Variants in RAPSN observed in about 807,000 individuals in gnomAD.
RAPSN encodes the protein 43 kDa receptor-associated protein of the synapse.
Under a neutral mutation model 45.7 loss-of-function variants are expected in RAPSN, and 33 were observed. That is an observed-to-expected ratio of 0.72 (90% confidence interval 0.55 to 0.97). RAPSN has a LOEUF of 0.97. Among genes scored for constraint, RAPSN ranks in the 50% least tolerant of loss-of-function variants. The pLI, the probability that RAPSN is intolerant of heterozygous loss-of-function variation, is 0.00. For missense variants in RAPSN, 519 were observed against 559.4 expected (o/e 0.93, Z 0.73); for synonymous variants, 244 against 233.6 (o/e 1.04, Z -0.40).
intron 6 of RAPSN, among the ~76,000 whole-genome samples, chr11:47,440,142 G>A (rs7103835): frequency 0.22 from 33,701 of 152,070 alleles, 4,717 homozygotes; most frequent in Non-Finnish European, 0.31. Flanking sequence ...GACCTTGGAC[G>A]CCTCTTTGAG....
At chr11:47,440,564 G>T (rs7104366) in intron 6 of RAPSN, among the ~76,000 whole-genome samples, 1 of 151,832 alleles carries the variant, frequency 6.6e-6, no homozygotes, top group African/African-American at 2.4e-5. Context: ...CCTGGCCAAC[G>T]CAGTGAATCC....
rs374604570 is a variant in RAPSN, at chr11:47,441,651, C to T, written c.872G>A (p.Gly291Asp). 3.7e-5 allele frequency: 59 copies of T among 1,609,122 alleles called. No homozygotes were observed. The highest frequency in any genetic ancestry group is 5.0e-5 in the Non-Finnish European group (59 of 1,179,786). ...CCTGGCCACCCAGCACTTGGCCACA[C>T]CCAGCAGCGCCTGCACCTGCCCCAG... The part of the protein sequence containing the change: ...NRLGQVQALL[G>D]VAKCWVARKA... The change falls in exon 5 of 8, where the codon GGT (glycine) becomes GAT (aspartate). Residue 291 changes from glycine (G) to aspartate (D), a missense_variant. Coordinates refer to ENST00000298854, the MANE Select transcript of RAPSN (RefSeq NM_005055.5).
chr11:47,445,451 C>T (rs888181706), intron 2 of RAPSN, among the ~76,000 whole-genome samples: 1 of 151,394 alleles, frequency 6.6e-6, no homozygotes, highest in African/African-American at 2.4e-5. Flanking sequence ...AGAAAATTAG[C>T]TGGGCATAGT....
At position 47,442,727 on chromosome 11, in the gene RAPSN, T is replaced by C. The variant is rs1457733396; in HGVS notation, c.619A>G (p.Met207Val). 5 of 1,614,140 alleles carry C rather than the reference T, an allele frequency of 3.1e-6. No individual in the cohort carries two copies. The African/African-American group carries it at 4.0e-5, about 13-fold the overall frequency. Residue 207 changes from methionine to valine, a missense_variant, in exon 3 of 8, where the codon ATG (methionine) becomes GTG (valine). Met to Val is a conservative substitution (Grantham distance 21). Transcript: ENST00000298854. ...GKGWSLKYRA[M>V]SQYHMAVAYR... ...GCCACGGCCATGTGGTACTGGCTCATGGCCCGGTACTTCAGGCTCCAGCCT... is the reference window on the plus strand; with the variant it reads ...GCCACGGCCATGTGGTACTGGCTCACGGCCCGGTACTTCAGGCTCCAGCCT...
At chr11:47,445,452 T>C (rs1389614952) in intron 2 of RAPSN, among the ~76,000 whole-genome samples, 1 of 143,366 alleles carries the variant, frequency 7.0e-6, no homozygotes. Flanking sequence ...GAAAATTAGC[T>C]GGGCATAGTG....
chr11:47,449,093 G>A lies in RAPSN; in HGVS notation c.-129C>T. Reference sequence around the variant, plus strand: ...GGAACAAAAGCAGCGTCGGGTGGGAGCCGGAATGGGGCCTGGATGGAGAGC... The same window carrying A: ...GGAACAAAAGCAGCGTCGGGTGGGAACCGGAATGGGGCCTGGATGGAGAGC... On this transcript the variant is annotated 5_prime_UTR_variant, in exon 1 of 8. Transcript: ENST00000298854. 1.8e-6 allele frequency: 2 copies of A among 1,128,980 alleles called. No homozygotes were observed. The highest frequency in any genetic ancestry group is 3.1e-5 in the African/African-American group (2 of 65,564). The allele number at this position is 1,128,980 out of a possible 1,614,324, so 69.9% of individuals were successfully genotyped here. A position where few individuals can be genotyped will look rare whatever the true frequency, so the allele number is the denominator to read the frequency against.
In RAPSN at chr11:47,441,897, G is replaced by T; in HGVS notation, c.715C>A (p.His239Asn). The change falls in exon 4 of 8, where the codon CAC becomes AAC. Residue 239 changes from histidine to asparagine, a missense_variant. Transcript: ENST00000298854. ...AGCGCCTGCAGTGGCCGGTCCCCGT[G>T]CTGCAGCGCGATCTTCATAGACTCC... ...CEESMKIALQ[H>N]GDRPLQALCL... The T allele has an allele frequency of 1.3e-6, 2 of 1,587,294 alleles. No homozygotes were observed. Among genetic ancestry groups the T allele is most frequent in the South Asian group, 1.1e-5 (1 of 87,572 alleles).
chr11:47,444,750 T>A (rs1024702484), intron 2 of RAPSN, among the ~76,000 whole-genome samples: 2 of 143,038 alleles, frequency 1.4e-5, no homozygotes, highest in African/African-American at 5.3e-5. Context: ...CCCAGCTACT[T>A]GGGAGGCTGA....
intron 1 of RAPSN, among the ~76,000 whole-genome samples, 195 bp from the exon 2 acceptor site, chr11:47,448,345 C>A (rs2076427103): frequency 6.6e-6 from 1 of 152,064 alleles, no homozygotes; most frequent in African/African-American, 2.4e-5. Flanking sequence ...TACACCCCAG[C>A]CTCACCTCCC....
At chr11:47,439,012 CCT>C in intron 6 of RAPSN, 81 bp from the exon 7 acceptor site, 1 of 1,448,586 alleles carries the variant, frequency 6.9e-7, no homozygotes, top group Non-Finnish European at 9.4e-7. Flanking sequence ...CAGCCACTTC[CCT>C]GTCTTGCTGA....
At chr11:47,439,062 T>C in intron 6 of RAPSN, 131 bp from the exon 7 acceptor site, 1 of 1,023,966 alleles carries the variant, frequency 9.8e-7, no homozygotes, top group Non-Finnish European at 1.4e-6. Flanking sequence ...TCTGGGACCT[T>C]GCTTCCTTTC....
In RAPSN at chr11:47,448,880, A is replaced by G. The variant is rs376422329; in HGVS notation, c.85T>C (p.Trp29Arg). The G allele has an allele frequency of 6.2e-7, 1 of 1,614,070 alleles. No individual in the cohort carries two copies. Among genetic ancestry groups the G allele is most frequent in the Non-Finnish European group, 8.5e-7 (1 of 1,180,032 alleles). ...GAGCTCTTCTCCAGCACCTTTGTCC[A>G]CACCTGCAATGCCTTCTCTGTCTGG... Reference protein sequence around the residue: ...SNQTEKALQVWTKVLEKSSDL... With the variant: ...SNQTEKALQVRTKVLEKSSDL... Residue 29 changes from tryptophan (W) to arginine (R), a missense_variant, in exon 1 of 8, where the codon TGG becomes CGG. Physicochemically the swap from Trp to Arg is moderately radical, Grantham distance 101 (BLOSUM62 -3). Transcript: ENST00000298854.
chr11:47,438,934 G>A lies in RAPSN; in HGVS notation c.967-3C>T. The A allele has an allele frequency of 6.4e-7, 1 of 1,555,164 alleles. No homozygotes were observed. Among genetic ancestry groups the A allele is most frequent in the East Asian group, 2.4e-5 (1 of 41,720 alleles). On this transcript the variant is annotated splice_region_variant and splice_polypyrimidine_tract_variant and intron_variant, in intron 6 of 7. Transcript: ENST00000298854. ...CAGTGCAGCTTGAGCTGGCTCAGCTGGGGCCCGCAGGAGTGGAGAGCGCCA... is the reference window on the plus strand; with the variant it reads ...CAGTGCAGCTTGAGCTGGCTCAGCTAGGGCCCGCAGGAGTGGAGAGCGCCA...
At chr11:47,442,840 G>A in intron 2 of RAPSN, 26 bp from the exon 3 acceptor site, 2 of 1,612,616 alleles carry the variant, frequency 1.2e-6, no homozygotes, top group Non-Finnish European at 1.7e-6. Flanking sequence ...AATGGAAGGA[G>A]GCAAACTGAG....
At chr11:47,448,223 G>A (rs963956888) in intron 1 of RAPSN, 73 bp from the exon 2 acceptor site, 7 of 1,520,560 alleles carry the variant, frequency 4.6e-6, no homozygotes, top group Non-Finnish European at 6.3e-6. Context: ...TGCACTGCAG[G>A]CTCAGACCTG....
chr11:47,446,901 G>A (rs927203513), intron 2 of RAPSN, among the ~76,000 whole-genome samples: 2 of 152,020 alleles, frequency 1.3e-5, no homozygotes, highest in Admixed American at 6.6e-5. Context: ...GCAAAACTCC[G>A]CCCCTGCCCC....
chr11:47,439,163 C>G (rs1488738683), intron 6 of RAPSN, among the ~76,000 whole-genome samples: 1 of 152,176 alleles, frequency 6.6e-6, no homozygotes, highest in African/African-American at 2.4e-5. Context: ...TATGACCAAA[C>G]CTGGTGCACA....
chr11:47,443,577 C>CT (rs1409233848), intron 2 of RAPSN, among the ~76,000 whole-genome samples: 1 of 152,150 alleles, frequency 6.6e-6, no homozygotes, highest in Non-Finnish European at 1.5e-5. Flanking sequence ...CAGGTCCTCT[C>CT]TTTCTACAGA....
Position 47,447,981 on chromosome 11 carries a change from A to C in RAPSN, c.362T>G (p.Leu121Arg). 1 of 1,613,952 alleles carries C rather than the reference A, an allele frequency of 6.2e-7. No individual in the cohort carries two copies. The highest frequency in any genetic ancestry group is 8.5e-7 in the Non-Finnish European group (1 of 1,180,006). The change falls in exon 2 of 8, where the codon CTC (leucine) becomes CGC (arginine). Residue 121 changes from leucine to arginine, a missense_variant. Physicochemically the swap from Leu to Arg is moderately radical, Grantham distance 102. Coordinates refer to ENST00000298854, the MANE Select transcript of RAPSN (RefSeq NM_005055.5). Reference protein sequence around the residue: ...GLPGTRAGAQLGGQVSLSMGN... With the variant: ...GLPGTRAGAQRGGQVSLSMGN... ...CATGCTCAGGCTGACCTGGCCTCCG[A>C]GCTGGGCACCTGCCCTGGTACCAGG...
Sources: allele counts gnomAD v4.1 joint callset (sites outside exome capture counted in the v4.1 genomes callset), GRCh38; gene constraint gnomAD v4.1.1; transcripts MANE v1.5; gene names NCBI Gene and HGNC (gene_info 2026-07-23, HGNC 2026-07-21).